The following NAA40 variants were observed in gnomAD, a reference collection of about 807,000 sequenced individuals.
NAA40 encodes N-alpha-acetyltransferase 40.
A neutral mutation model predicts 36.6 loss-of-function variants in NAA40; 26 were observed. That is an observed-to-expected ratio of 0.71 (90% CI 0.52 to 0.98). NAA40 has a LOEUF of 0.98. Among genes scored for constraint, NAA40 ranks in the 50% least tolerant of loss-of-function variants. The pLI is 0.00. For synonymous variants in NAA40, 129 were observed against 108.4 expected (o/e 1.19, Z -1.18); for missense variants, 237 against 306.5 (o/e 0.77, Z 1.69).
At chr11:63,939,395 C>A in intron 1 of NAA40, 1 of 1,193,906 alleles carries the variant, frequency 8.4e-7, no homozygotes, top group Non-Finnish European at 1.0e-6. Flanking sequence ...CCGTCCCCCG[C>A]GGGGACCCTG....
At chr11:63,944,902 CA>C (rs113133922) in intron 1 of NAA40, among the ~76,000 whole-genome samples, 22 of 126,046 alleles carry the variant, frequency 1.7e-4, no homozygotes, top group African/African-American at 1.5e-4. Flanking sequence ...GACTCCATCT[CA>C]AAAAAAAAAA....
intron 3 of NAA40, among the ~76,000 whole-genome samples, chr11:63,947,407 C>G (rs1590754091): frequency 1.5e-5 from 1 of 68,132 alleles, no homozygotes; most frequent in African/African-American, 4.6e-5. Flanking sequence ...AACTCCATCT[C>G]AAAACAAAAC....
At chr11:63,946,151 A>C (rs1942182918) in intron 2 of NAA40, 1 of 570,318 alleles carries the variant, frequency 1.8e-6, no homozygotes, top group Non-Finnish European at 3.1e-6. Context: ...ATTCCAGTGA[A>C]GTGGCTGCCT....
rs549831516 is a variant in NAA40, at chr11:63,955,021, C to G, written c.*542C>G. The stretch of plus-strand genomic sequence containing the variant: ...ACGGAGACTGGGAAGATCTTTTGTG[C>G]CAAGATGCAGGGAAATGAAGAAAGC... On this transcript the variant is annotated 3_prime_UTR_variant, in exon 8 of 8. Coordinates refer to ENST00000377793, the MANE Select transcript of NAA40 (RefSeq NM_024771.4). The G allele has an allele frequency of 6.5e-6, 1 of 152,736 alleles. No individual in the cohort carries two copies. The highest frequency in any genetic ancestry group is 1.5e-5 in the Non-Finnish European group (1 of 68,072). The allele number at this position is 152,736 out of a possible 1,614,324, so 9.5% of individuals were successfully genotyped here.
chr11:63,939,157 C>T, intron 1 of NAA40, 55 bp downstream of exon 1: 1 of 1,556,068 alleles, frequency 6.4e-7, no homozygotes, highest in South Asian at 1.2e-5. Context: ...TCGCTACCCT[C>T]GCCCCCTTTG....
chr11:63,948,112 C>A (rs1942218283), intron 3 of NAA40, among the ~76,000 whole-genome samples: 1 of 152,200 alleles, frequency 6.6e-6, no homozygotes, highest in African/African-American at 2.4e-5. Flanking sequence ...GCCTCAGCCA[C>A]CCAAAGTGCT....
intron 1 of NAA40, among the ~76,000 whole-genome samples, chr11:63,945,533 G>C (rs1461784925): frequency 6.6e-6 from 1 of 152,188 alleles, no homozygotes; most frequent in Admixed American, 6.5e-5. Flanking sequence ...TTTACTAAGT[G>C]CCTGCTGGGG....
Position 63,955,201 on chromosome 11 carries a change from G to C in NAA40, c.*722G>C, listed in dbSNP as rs556751457. On this transcript the variant is annotated 3_prime_UTR_variant, in exon 8 of 8. Transcript: ENST00000377793. ...CGCCATGGGGATGATTGCTTCTCTA[G>C]GCTCCTGGATGTTGCTGCATTCTAA... The C allele has an allele frequency of 6.5e-6, 1 of 152,722 alleles. No homozygotes were observed. The highest frequency in any genetic ancestry group is 2.1e-4 in the South Asian group (1 of 4,820). The allele number at this position is 152,722 out of a possible 1,614,324, so 9.5% of individuals were successfully genotyped here. A position where few individuals can be genotyped will look rare whatever the true frequency, so the allele number is the denominator to read the frequency against.
At chr11:63,954,192 C>T (rs1942326348) in intron 7 of NAA40, 143 bp downstream of exon 7, 1 of 1,301,682 alleles carries the variant, frequency 7.7e-7, no homozygotes, top group Middle Eastern at 2.4e-4. Context: ...GATGGTATGG[C>T]AGTGCTCTCT....
intron 1 of NAA40, among the ~76,000 whole-genome samples, chr11:63,945,140 C>T (rs1169592028): frequency 3.3e-5 from 5 of 152,236 alleles, no homozygotes; most frequent in African/African-American, 1.2e-4. Context: ...TGCTGCCCTG[C>T]TGCTGACTGT....
intron 3 of NAA40, among the ~76,000 whole-genome samples, chr11:63,948,465 T>C (rs1377149688): frequency 6.6e-6 from 1 of 152,152 alleles, no homozygotes; most frequent in African/African-American, 2.4e-5. Context: ...ACGCCTGTAA[T>C]CTCAGCACTT....
rs1446762644 is a variant in NAA40, at chr11:63,944,307, C to A, written c.7-1533C>A. On this transcript the variant is annotated intron_variant, in intron 1 of 7. Transcript: ENST00000377793. ...GATGTAATTGGGAGTTGTCAAACCT[C>A]TCCAGAGAGCTCAGGGAAAGGAGGG... Among the ~76,000 whole-genome samples, 6 of 152,044 alleles carry A rather than the reference C, an allele frequency of 3.9e-5. No individual in the cohort carries two copies. The East Asian group carries it at 1.2e-3, about 29-fold the overall frequency.
intron 2 of NAA40, 56 bp downstream of exon 2, chr11:63,945,991 A>C (rs1942179904): frequency 3.3e-6 from 5 of 1,512,976 alleles, no homozygotes; most frequent in Non-Finnish European, 4.6e-6. Flanking sequence ...TTGGTTTATA[A>C]TTTGACTTAT....
chr11:63,952,482 C>T lies in NAA40; in HGVS notation c.327C>T (p.Leu109=). 6.2e-7 allele frequency: 1 copy of T among 1,614,218 alleles called. No homozygotes were observed. Among genetic ancestry groups the T allele is most frequent in the South Asian group, 1.1e-5 (1 of 91,090 alleles). Residue 109 remains leucine, a synonymous_variant, in exon 5 of 8, where the codon CTC becomes CTT. Transcript: ENST00000377793. Reference sequence around the variant, plus strand: ...TGACAGATGACCGAGCCTGGTACCTCATCGCGTGGGAAAACAGCTCCGTCC... The same window carrying T: ...TGACAGATGACCGAGCCTGGTACCTTATCGCGTGGGAAAACAGCTCCGTCC... ...EEMTDDRAWY[L]IAWENSSVPV... is the part of the protein sequence containing the mutation.
At chr11:63,946,136 C>T (rs1942182682) in intron 2 of NAA40, 4 of 576,554 alleles carry the variant, frequency 6.9e-6, no homozygotes, top group African/African-American at 1.9e-5. Flanking sequence ...TTTGGGAAAA[C>T]GTGGATTCCA....
chr11:63,943,494 C>T (rs141235794), intron 1 of NAA40, among the ~76,000 whole-genome samples: 2 of 152,282 alleles, frequency 1.3e-5, no homozygotes, highest in African/African-American at 4.8e-5. Flanking sequence ...ATAGGCGCCT[C>T]AGTAGGGGAC....
rs1306234032 is a variant in NAA40, at chr11:63,954,560, C to T, written c.*81C>T. The T allele has an allele frequency of 4.1e-6, 6 of 1,470,896 alleles. No homozygotes were observed. The highest frequency in any genetic ancestry group is 5.4e-6 in the Non-Finnish European group (6 of 1,105,296). The allele number at this position is 1,470,896 out of a possible 1,614,324, so 91.1% of individuals were successfully genotyped here. On this transcript the variant is annotated 3_prime_UTR_variant, in exon 8 of 8. Transcript: ENST00000377793. ...CTGGTCTCACTGTTCACCGGGTGTC[C>T]TCAGAGCTGTGGCCTCCCCAGCCCT...
At chr11:63,950,398 C>T (rs988947802) in intron 3 of NAA40, among the ~76,000 whole-genome samples, 8 of 152,002 alleles carry the variant, frequency 5.3e-5, no homozygotes, top group East Asian at 1.9e-4. Flanking sequence ...AGATTGTAGG[C>T]GTGAGCCACT....
At chr11:63,941,031 A>G (rs989229609) in intron 1 of NAA40, among the ~76,000 whole-genome samples, 1 of 152,244 alleles carries the variant, frequency 6.6e-6, no homozygotes, top group African/African-American at 2.4e-5. Context: ...GGACTGAAAT[A>G]GCAGGCCCTC....
Sources: allele counts gnomAD v4.1 joint callset (sites outside exome capture counted in the v4.1 genomes callset), GRCh38; gene constraint gnomAD v4.1.1; transcripts MANE v1.5; gene names NCBI Gene and HGNC (gene_info 2026-07-23, HGNC 2026-07-21).